The following PDE3B variants were observed in gnomAD, a reference collection of about 807,000 sequenced individuals.
PDE3B encodes cGMP-inhibited 3',5'-cyclic phosphodiesterase 3B.
Under a neutral mutation model 116.8 loss-of-function variants are expected in PDE3B, and 66 were observed. That is an observed-to-expected ratio of 0.56 (90% CI 0.46 to 0.69). The LOEUF (loss-of-function observed/expected upper bound fraction) is 0.69, where lower values mean the gene tolerates loss of function less well. Among genes scored for constraint, PDE3B ranks in the 30% least tolerant of loss-of-function variants. PDE3B has a pLI of 0.00. For missense variants in PDE3B, 1,384 were observed against 1,368.1 expected, an observed-to-expected ratio of 1.01 and a Z score of -0.18; for synonymous variants, 595 against 533.6, an observed-to-expected ratio of 1.12 and a Z score of -1.59.
chr11:14,662,587 A>C (rs542054282), intron 1 of PDE3B, among the ~76,000 whole-genome samples: 18 of 152,300 alleles, frequency 1.2e-4, no homozygotes, highest in African/African-American at 4.1e-4. Flanking sequence ...GTATAACTAG[A>C]ATAACCAATA....
chr11:14,706,041 A>G (rs1565099923), intron 1 of PDE3B, among the ~76,000 whole-genome samples: 5 of 151,884 alleles, frequency 3.3e-5, no homozygotes, highest in Admixed American at 2.6e-4. Flanking sequence ...CAAGAAAAGG[A>G]TGCAATGGCC....
chr11:14,799,757 CTTTTTT>C (rs60506229), intron 4 of PDE3B, among the ~76,000 whole-genome samples: 3 of 108,010 alleles, frequency 2.8e-5, no homozygotes, highest in Non-Finnish European at 3.7e-5. Flanking sequence ...CAACTCCTGC[CTTTTTT>C]TTTTTTTTTT....
chr11:14,755,832 T>C (rs367874459), intron 1 of PDE3B, among the ~76,000 whole-genome samples: 217 of 152,334 alleles, frequency 1.4e-3, no homozygotes, highest in African/African-American at 4.7e-3. Flanking sequence ...AAATATTTAC[T>C]ATCTGACCCT....
chr11:14,672,674 G>A (rs1854408460), intron 1 of PDE3B, among the ~76,000 whole-genome samples: 1 of 152,028 alleles, frequency 6.6e-6, no homozygotes, highest in Non-Finnish European at 1.5e-5. Context: ...CACCTCTTAG[G>A]GTCTTGTCTT....
In PDE3B at chr11:14,771,994, A is replaced by G; in HGVS notation, c.1029+7A>G. 2 of 1,131,474 alleles carry G rather than the reference A, an allele frequency of 1.8e-6. No homozygotes were observed. Among genetic ancestry groups the G allele is most frequent in the Non-Finnish European group, 1.3e-6 (1 of 785,612 alleles). 70.1% of individuals were successfully genotyped at this position (1,131,474 alleles called of 1,614,324 possible). On this transcript the variant is annotated splice_region_variant and intron_variant, in intron 2 of 15. Transcript: ENST00000282096. ...GTATAAGCCTCATTATCAAGTAAGT[A>G]TAATTAATATCTGTGATGAATATCT...
downstream of PDE3B, among the ~76,000 whole-genome samples, chr11:14,873,483 G>C (rs2134001656): frequency 6.6e-6 from 1 of 152,272 alleles, no homozygotes; most frequent in East Asian, 1.9e-4. Context: ...GTTGGTATGG[G>C]GGTAAGAAAG....
At chr11:14,727,040 T>C (rs1856328143) in intron 1 of PDE3B, among the ~76,000 whole-genome samples, 1 of 152,162 alleles carries the variant, frequency 6.6e-6, no homozygotes, top group Non-Finnish European at 1.5e-5. Flanking sequence ...CATAATCCCT[T>C]TTTGCAAGGT....
At chr11:14,734,921 G>A (rs778625954) in intron 1 of PDE3B, among the ~76,000 whole-genome samples, 3 of 151,922 alleles carry the variant, frequency 2.0e-5, no homozygotes, top group East Asian at 1.9e-4. Flanking sequence ...TAAGTTTCCC[G>A]AAATATCCCC....
intron 1 of PDE3B, among the ~76,000 whole-genome samples, chr11:14,653,570 A>C (rs1853625062): frequency 6.6e-6 from 1 of 151,880 alleles, no homozygotes; most frequent in Non-Finnish European, 1.5e-5. Context: ...GTCTCAAAAA[A>C]AAACCAAAAA....
At chr11:14,711,730 A>G (rs1023660179) in intron 1 of PDE3B, among the ~76,000 whole-genome samples, 4 of 152,202 alleles carry the variant, frequency 2.6e-5, no homozygotes, top group Non-Finnish European at 4.4e-5. Context: ...ACAATTCAAC[A>G]TGAGATTTGT....
intron 1 of PDE3B, among the ~76,000 whole-genome samples, chr11:14,760,245 A>G (rs183350438): frequency 6.6e-6 from 1 of 152,198 alleles, no homozygotes; most frequent in Non-Finnish European, 1.5e-5. Flanking sequence ...TAAGCCCTTA[A>G]TAGATGTTAG....
At chr11:14,761,887 A>C (rs1473820903) in intron 1 of PDE3B, among the ~76,000 whole-genome samples, 1 of 152,200 alleles carries the variant, frequency 6.6e-6, no homozygotes, top group African/African-American at 2.4e-5. Flanking sequence ...ATGGAAAAAG[A>C]TTAGTTTCTG....
intron 4 of PDE3B, among the ~76,000 whole-genome samples, chr11:14,797,382 C>CT (rs1280976385): frequency 6.6e-6 from 1 of 152,114 alleles, no homozygotes; most frequent in Non-Finnish European, 1.5e-5. Context: ...CAGCTTTGTT[C>CT]TTTTTGCTTA....
chr11:14,683,890 C>CT (rs1297692674), intron 1 of PDE3B, among the ~76,000 whole-genome samples: 9 of 152,288 alleles, frequency 5.9e-5, no homozygotes, highest in Non-Finnish European at 1.0e-4. Context: ...TTGGTTCAGA[C>CT]TATCTTCTAA....
At chr11:14,777,913 G>T (rs914215968) in intron 2 of PDE3B, among the ~76,000 whole-genome samples, 5 of 152,182 alleles carry the variant, frequency 3.3e-5, no homozygotes, top group Admixed American at 6.5e-5. Context: ...GCCAAGGGAA[G>T]CCATGACAGA....
At chr11:14,697,180 C>G (rs1855230942) in intron 1 of PDE3B, among the ~76,000 whole-genome samples, 1 of 152,100 alleles carries the variant, frequency 6.6e-6, no homozygotes, top group South Asian at 2.1e-4. Flanking sequence ...TCAAAGGATC[C>G]TCCCGCCTTG....
intron 12 of PDE3B, among the ~76,000 whole-genome samples, chr11:14,850,355 G>T (rs1030405243): frequency 6.6e-6 from 1 of 152,036 alleles, no homozygotes; most frequent in East Asian, 1.9e-4. Flanking sequence ...GGGGAAGGGG[G>T]GAGGGATAGC....
At position 14,663,427 on chromosome 11, in the gene PDE3B, C is replaced by A. The variant is rs528983903; in HGVS notation, c.978+18374C>A. Among the ~76,000 whole-genome samples the A allele has an allele frequency of 8.7e-3, 1,328 of 152,206 alleles. 22 individuals carry two copies. The highest frequency in any genetic ancestry group is 0.029 in the African/African-American group (1,212 of 41,532). ...AACGAGCAAAATAACCAGCTAACAT[C>A]ATAATGACAGGATCAAATTCACACA... On this transcript the variant is annotated intron_variant, in intron 1 of 15. Coordinates refer to ENST00000282096, the MANE Select transcript of PDE3B (RefSeq NM_000922.4).
intron 1 of PDE3B, among the ~76,000 whole-genome samples, chr11:14,725,758 C>T (rs1856287143): frequency 6.6e-6 from 1 of 151,082 alleles, no homozygotes; most frequent in South Asian, 2.1e-4. Context: ...TACTCTAAGC[C>T]ACCATTTTCT....
Sources: allele counts gnomAD v4.1 joint callset (sites outside exome capture counted in the v4.1 genomes callset), GRCh38; gene constraint gnomAD v4.1.1; transcripts MANE v1.5; gene names NCBI Gene and HGNC (gene_info 2026-07-23, HGNC 2026-07-21).